MAP7: variants seen among roughly 807,000 people sequenced by gnomAD.
The protein encoded by MAP7 is ensconsin.
MAP7 carries 52 observed loss-of-function variants against 94.8 expected under a neutral mutation model. The ratio of observed to expected loss-of-function variants is 0.55; its 90% CI spans 0.44 to 0.69. MAP7 has a LOEUF of 0.69. Ranked by LOEUF, MAP7 falls within the 30% of genes least tolerant of loss-of-function variation. The probability of loss-of-function intolerance (pLI) is 0.00; values close to 1 mark genes in which losing one functional copy is unlikely to be tolerated. For missense variants in MAP7, 940 were observed against 964.6 expected, an observed-to-expected ratio of 0.97 and a Z score of 0.34; for synonymous variants, 350 against 357.0, an observed-to-expected ratio of 0.98 and a Z score of 0.22.
chr6:136,485,892 C>A (rs142193556), intron 1 of MAP7, among the ~76,000 whole-genome samples: 1 of 152,140 alleles, frequency 6.6e-6, no homozygotes, highest in Non-Finnish European at 1.5e-5. Context: ...TTAAATAGAA[C>A]CTATAATGCA....
chr6:136,479,843 G>A (rs1274379356), intron 1 of MAP7, among the ~76,000 whole-genome samples: 2 of 152,024 alleles, frequency 1.3e-5, no homozygotes, highest in Non-Finnish European at 2.9e-5. Flanking sequence ...GCCAGAAATC[G>A]AAGGGGACAC....
chr6:136,375,286 C>T lies in MAP7; in HGVS notation c.751+2469G>A, dbSNP rs148706684. ...ATAATCACTTGTATTTTGAATGTCC[C>T]GGGGAAAAAAAGTATAGAAAAGTCA... is the stretch of plus-strand genomic sequence containing the variant. On this transcript the variant is annotated intron_variant, in intron 7 of 17. Transcript: ENST00000354570. Among the ~76,000 whole-genome samples the T allele has an allele frequency of 5.4e-4, 82 of 152,054 alleles. 2 individuals carry two copies. The East Asian group carries it at 0.014, about 26-fold the overall frequency.
At chr6:136,496,777 T>TA (rs1171059105) in intron 1 of MAP7, among the ~76,000 whole-genome samples, 8,904 of 53,256 alleles carry the variant, frequency 0.17, 968 homozygotes, top group Middle Eastern at 0.23. Context: ...CCGTCTCTAC[T>TA]AAAAAAAAAA....
At chr6:136,411,732 AGTGGATT>A in intron 2 of MAP7, 35 bp from the exon 3 acceptor site, 1 of 1,462,042 alleles carries the variant, frequency 6.8e-7, no homozygotes, top group Non-Finnish European at 9.2e-7. Context: ...TGAGATGAAG[AGTGGATT>A]AAAAAAAAAA....
intron 1 of MAP7, among the ~76,000 whole-genome samples, chr6:136,466,128 A>T (rs1806957329): frequency 6.6e-6 from 1 of 152,214 alleles, no homozygotes; most frequent in South Asian, 2.1e-4. Flanking sequence ...AAATGAGAGC[A>T]TTCTGGGGAA....
chr6:136,361,984 G>C (rs926552922), intron 11 of MAP7, among the ~76,000 whole-genome samples: 1 of 152,138 alleles, frequency 6.6e-6, no homozygotes, highest in Non-Finnish European at 1.5e-5. Flanking sequence ...GTATATGTAT[G>C]TATATATACA....
At chr6:136,474,140 T>A (rs1583015962) in intron 1 of MAP7, among the ~76,000 whole-genome samples, 1 of 151,970 alleles carries the variant, frequency 6.6e-6, no homozygotes, top group South Asian at 2.1e-4. Context: ...AAAATGAATA[T>A]TAAGAGGGTA....
chr6:136,530,044 T>A (rs9494537), intron 1 of MAP7, among the ~76,000 whole-genome samples: 2 of 152,128 alleles, frequency 1.3e-5, no homozygotes, highest in Admixed American at 6.5e-5. Context: ...CTGTTCACAT[T>A]TATGCTTCCT....
At chr6:136,524,054 T>C (rs1273475602) in intron 1 of MAP7, among the ~76,000 whole-genome samples, 1 of 151,646 alleles carries the variant, frequency 6.6e-6, no homozygotes, top group Non-Finnish European at 1.5e-5. Context: ...GCCTGGCCAA[T>C]AATGGTGAAA....
At chr6:136,383,899 C>T in intron 5 of MAP7, 118 bp from the exon 6 acceptor site, 1 of 629,736 alleles carries the variant, frequency 1.6e-6, no homozygotes, top group Non-Finnish European at 2.8e-6. Flanking sequence ...CTAGATCTGT[C>T]ATAATAACAC....
intron 5 of MAP7, among the ~76,000 whole-genome samples, chr6:136,386,171 G>T (rs1779142952): frequency 1.3e-5 from 2 of 152,226 alleles, no homozygotes; most frequent in African/African-American, 4.8e-5. Flanking sequence ...TTGTTGGTCA[G>T]CAAACCATGA....
At chr6:136,510,304 C>T (rs1822876186) in intron 1 of MAP7, among the ~76,000 whole-genome samples, 2 of 152,176 alleles carry the variant, frequency 1.3e-5, no homozygotes, top group African/African-American at 4.8e-5. Flanking sequence ...ACGACCCACA[C>T]AGCTGGTTTT....
At chr6:136,373,785 A>G (rs1775275266) in intron 7 of MAP7, among the ~76,000 whole-genome samples, 1 of 152,260 alleles carries the variant, frequency 6.6e-6, no homozygotes, top group South Asian at 2.1e-4. Flanking sequence ...AAGAGGATTA[A>G]TAACTTAACT....
At chr6:136,476,836 A>G (rs1238045783) in intron 1 of MAP7, among the ~76,000 whole-genome samples, 1 of 152,232 alleles carries the variant, frequency 6.6e-6, no homozygotes, top group Non-Finnish European at 1.5e-5. Flanking sequence ...TAGCAAAAAG[A>G]ATTATAACTC....
chr6:136,472,099 GA>G (rs1340304349), intron 1 of MAP7, among the ~76,000 whole-genome samples: 1 of 152,158 alleles, frequency 6.6e-6, no homozygotes, highest in Non-Finnish European at 1.5e-5. Flanking sequence ...TCTTTCAATG[GA>G]AATAATTTCT....
chr6:136,477,561 CAAAG>C lies in MAP7; in HGVS notation c.68-55766_68-55763del, dbSNP rs1266989589. 2.2e-3 allele frequency among the ~76,000 whole-genome samples: 342 copies of C among 152,092 alleles called. 6 individuals carry two copies. The highest frequency in any genetic ancestry group is 5.3e-4 in the Non-Finnish European group (36 of 67,964). ...TCAAGGCAAAAACTATAAAAAGAGA[CAAAG>C]AAGGTCATTATTTAATGATAAAGGA... is the stretch of plus-strand genomic sequence containing the variant. On this transcript the variant is annotated intron_variant, in intron 1 of 17. Coordinates refer to ENST00000354570, the MANE Select transcript of MAP7 (RefSeq NM_003980.6).
At chr6:136,501,652 CTTTT>C (rs1819860156) in intron 1 of MAP7, among the ~76,000 whole-genome samples, 1 of 152,020 alleles carries the variant, frequency 6.6e-6, no homozygotes, top group Non-Finnish European at 1.5e-5. Context: ...GCCCAGATGG[CTTTT>C]TTTATATATT....
chr6:136,346,989 C>T lies in MAP7; in HGVS notation c.2016-910G>A, dbSNP rs544900585. On this transcript the variant is annotated intron_variant, in intron 16 of 17. Transcript: ENST00000354570. ...TCTTATCTTTGCCCCTTAAATCTGC[C>T]TCTGACCTCATCTTGATCCTTATGA... Among the ~76,000 whole-genome samples the T allele has an allele frequency of 3.3e-5, 5 of 152,246 alleles. No homozygotes were observed. In the East Asian group the frequency reaches 9.6e-4, roughly 29 times the overall value.
At chr6:136,485,644 G>A (rs1056388353) in intron 1 of MAP7, among the ~76,000 whole-genome samples, 2 of 136,614 alleles carry the variant, frequency 1.5e-5, no homozygotes, top group Non-Finnish European at 1.5e-5. Flanking sequence ...CTCACTGCAA[G>A]CTCCGCCTCC....
Sources: gnomAD v4.1 joint callset for allele counts (sites outside exome capture counted in the v4.1 genomes callset) on GRCh38, gnomAD v4.1.1 for gene constraint, MANE v1.5 for transcripts, NCBI Gene and HGNC (gene_info 2026-07-23, HGNC 2026-07-21) for gene names.